Variants in WDR17 observed in about 807,000 individuals in gnomAD.
The protein encoded by WDR17 is WD repeat-containing protein 17.
In WDR17, 143 loss-of-function variants were observed where a neutral mutation model predicts 161.7. The observed-to-expected ratio is 0.88, with a 90% CI of 0.77 to 1.02. WDR17 has a LOEUF of 1.02. Ranked by LOEUF, WDR17 falls within the 50% of genes least tolerant of loss-of-function variation. The probability of loss-of-function intolerance (pLI) is 0.00; values close to 1 mark genes in which losing one functional copy is unlikely to be tolerated. For synonymous variants in WDR17, 517 were observed against 515.6 expected (o/e 1.00, Z -0.04); for missense variants, 1,469 against 1,520.9 (o/e 0.97, Z 0.57).
intron 7 of WDR17, among the ~76,000 whole-genome samples, chr4:176,133,274 AG>A (rs1466751001): frequency 0.019 from 2,078 of 111,624 alleles, 62 homozygotes; most frequent in African/African-American, 0.028. Context: ...AAAAAAAAAA[AG>A]AAGAAGAAGA....
At chr4:176,094,058 A>G (rs115757246) in intron 1 of WDR17, among the ~76,000 whole-genome samples, 2,524 of 152,278 alleles carry the variant, frequency 0.017, 67 homozygotes, top group African/African-American at 0.057. Flanking sequence ...TGGTGATGGC[A>G]TGATGACAAA....
chr4:176,086,215 C>T (rs1284871957), intron 1 of WDR17, among the ~76,000 whole-genome samples: 4 of 151,852 alleles, frequency 2.6e-5, no homozygotes, highest in Non-Finnish European at 4.4e-5. Flanking sequence ...GCTCTGCACA[C>T]GGTTAATTTT....
At chr4:176,112,777 C>T (rs534183203) in intron 2 of WDR17, among the ~76,000 whole-genome samples, 6 of 152,166 alleles carry the variant, frequency 3.9e-5, no homozygotes, top group African/African-American at 1.4e-4. Flanking sequence ...CACATTTTTG[C>T]ACTTTCTGGC....
chr4:176,130,560 C>A (rs549039821), intron 6 of WDR17, among the ~76,000 whole-genome samples: 1 of 151,418 alleles, frequency 6.6e-6, no homozygotes, highest in Non-Finnish European at 1.5e-5. Context: ...CTGGCTAACA[C>A]AGTGAAACCC....
Position 176,150,576 on chromosome 4 carries a change from C to G in WDR17, c.2287C>G (p.Leu763Val). The change falls in exon 16 of 29, where the codon CTG becomes GTG. Residue 763 changes from leucine (L) to valine (V), a missense_variant. By Grantham distance (32) the Leu-to-Val change is conservative. Coordinates refer to ENST00000508596, the MANE Select transcript of WDR17 (RefSeq NM_181265.4). ...YCKGIMHLKHLIKFRTSEAQE... is the reference protein window; with the variant it reads ...YCKGIMHLKHVIKFRTSEAQE... The stretch of plus-strand genomic sequence containing the variant: ...CAAAGGAATAATGCACTTGAAACAT[C>G]TGATTAAATTTAGAACAGTGAGTAA... 1 of 1,603,542 alleles carries G rather than the reference C, an allele frequency of 6.2e-7. No homozygotes were observed. The highest frequency in any genetic ancestry group is 1.1e-5 in the South Asian group (1 of 87,732).
At chr4:176,152,365 G>A (rs1320142956) in intron 17 of WDR17, among the ~76,000 whole-genome samples, 1 of 148,976 alleles carries the variant, frequency 6.7e-6, no homozygotes. Context: ...GGGAGGCCAA[G>A]TCGGGTGGAT....
In WDR17 at chr4:176,172,399, T is replaced by G; in HGVS notation, c.3127T>G (p.Cys1043Gly). 1 of 1,608,890 alleles carries G rather than the reference T, an allele frequency of 6.2e-7. No homozygotes were observed. The highest frequency in any genetic ancestry group is 2.2e-5 in the East Asian group (1 of 44,810). Reference protein sequence around the residue: ...DKCKLPTVEECMQLAETARAD... With the variant: ...DKCKLPTVEEGMQLAETARAD... Reference sequence around the variant, plus strand: ...GTGTAAGCTACCCACAGTGGAAGAATGTATGCAGTTAGCTGAGACAGCCCG... The same window carrying G: ...GTGTAAGCTACCCACAGTGGAAGAAGGTATGCAGTTAGCTGAGACAGCCCG... The change falls in exon 24 of 29, where the codon TGT becomes GGT. Residue 1043 changes from cysteine to glycine, a missense_variant. Coordinates refer to ENST00000508596, the MANE Select transcript of WDR17 (RefSeq NM_181265.4).
intron 1 of WDR17, among the ~76,000 whole-genome samples, chr4:176,096,824 T>A (rs1736954781): frequency 6.6e-6 from 1 of 151,718 alleles, no homozygotes; most frequent in Admixed American, 6.6e-5. Context: ...GTTCTTAATG[T>A]TTTCAAATTC....
chr4:176,162,048 A>G (rs1417939834), intron 20 of WDR17, 27 bp from the exon 21 acceptor site: 50 of 1,567,312 alleles, frequency 3.2e-5, no homozygotes, highest in Non-Finnish European at 4.3e-5. Context: ...TTGTGTTTAT[A>G]TAGAATACAC....
chr4:176,131,165 G>GA (rs1239258306), intron 6 of WDR17, among the ~76,000 whole-genome samples: 1 of 152,056 alleles, frequency 6.6e-6, no homozygotes, highest in East Asian at 1.9e-4. Context: ...TATATTAAAA[G>GA]AAAAAATTAT....
At chr4:176,141,035 G>C (rs1745173719) in intron 10 of WDR17, among the ~76,000 whole-genome samples, 1 of 152,134 alleles carries the variant, frequency 6.6e-6, no homozygotes, top group African/African-American at 2.4e-5. Flanking sequence ...TAACATTTAA[G>C]ACAGTCTTTT....
intron 12 of WDR17, among the ~76,000 whole-genome samples, chr4:176,146,493 A>T (rs1746191194): frequency 3.3e-5 from 5 of 152,230 alleles, no homozygotes. Context: ...TCAGAATGGT[A>T]GGGAAATCAG....
At chr4:176,155,185 A>T (rs997104420) in intron 17 of WDR17, among the ~76,000 whole-genome samples, 2 of 152,088 alleles carry the variant, frequency 1.3e-5, no homozygotes, top group Admixed American at 6.5e-5. Flanking sequence ...TTCAAAGTAC[A>T]TATTTTAGTT....
At chr4:176,159,262 TACACACACACATGC>T (rs1380535242) in intron 18 of WDR17, among the ~76,000 whole-genome samples, 4 of 133,202 alleles carry the variant, frequency 3.0e-5, no homozygotes, top group African/African-American at 6.7e-5. Flanking sequence ...GATGGGAAGA[TACACACACACATGC>T]ACACACACAC....
chr4:176,133,874 C>T (rs543846774), intron 7 of WDR17, among the ~76,000 whole-genome samples: 1 of 151,744 alleles, frequency 6.6e-6, no homozygotes, highest in African/African-American at 2.4e-5. Context: ...AAATTTTCCT[C>T]GTCTTACTCA....
At chr4:176,173,799 G>A (rs1409734401) in intron 25 of WDR17, among the ~76,000 whole-genome samples, 2 of 151,878 alleles carry the variant, frequency 1.3e-5, no homozygotes, top group African/African-American at 4.8e-5. Flanking sequence ...ACAGGCATGA[G>A]CCACTGCGCC....
chr4:176,104,555 C>T (rs1348146142), intron 1 of WDR17, among the ~76,000 whole-genome samples: 1 of 151,810 alleles, frequency 6.6e-6, no homozygotes, highest in Non-Finnish European at 1.5e-5. Context: ...TCAGGCCACA[C>T]AATATATAAA....
intron 24 of WDR17, among the ~76,000 whole-genome samples, chr4:176,172,895 A>C (rs1342524598): frequency 1.3e-5 from 2 of 152,162 alleles, no homozygotes; most frequent in African/African-American, 4.8e-5. Context: ...CACCAAGGGG[A>C]TTGCACTAAG....
At position 176,120,062 on chromosome 4, in the gene WDR17, G is replaced by C; in HGVS notation, c.503G>C (p.Gly168Ala). ...CACCAAAAGGGGAAAGTTGTGTTTG[G>C]TCATATTGATGGAAGTCTATCAATT... ...HTHQKGKVVF[G>A]HIDGSLSIFH... Residue 168 changes from glycine to alanine, a missense_variant, in exon 4 of 29, where the codon GGT becomes GCT. By Grantham distance (60) the Gly-to-Ala change is moderately conservative (BLOSUM62 0). Transcript: ENST00000508596. 6.2e-7 allele frequency: 1 copy of C among 1,613,838 alleles called. No homozygotes were observed. The highest frequency in any genetic ancestry group is 8.5e-7 in the Non-Finnish European group (1 of 1,179,868).
Sources: gnomAD v4.1 joint callset for allele counts (sites outside exome capture counted in the v4.1 genomes callset) on GRCh38, gnomAD v4.1.1 for gene constraint, MANE v1.5 for transcripts, NCBI Gene and HGNC (gene_info 2026-07-23, HGNC 2026-07-21) for gene names.